The following TMEM233 variants were observed in gnomAD, a reference collection of about 807,000 sequenced individuals.
The protein encoded by TMEM233 is transmembrane protein 233.
In TMEM233, 6 loss-of-function variants were observed where a neutral mutation model predicts 11.2. The ratio of observed to expected loss-of-function variants is 0.54; its 90% CI spans 0.29 to 1.06. The LOEUF is 1.06. Among genes scored for constraint, TMEM233 ranks in the 50% least tolerant of loss-of-function variants. TMEM233 has a pLI of 0.08. For missense variants in TMEM233, 127 were observed against 144.7 expected (o/e 0.88, Z 0.63); for synonymous variants, 59 against 55.8 (o/e 1.06, Z -0.26).
chr12:119,645,320 CAAAA>C (rs3078450), downstream of TMEM233, among the ~76,000 whole-genome samples: 12 of 74,794 alleles, frequency 1.6e-4, 1 homozygote, highest in African/African-American at 4.5e-4. Flanking sequence ...CACCAATTAC[CAAAA>C]AAAAAAAAAA....
chr12:119,600,165 C>A, intron 1 of TMEM233, among the ~76,000 whole-genome samples: 1 of 141,810 alleles, frequency 7.1e-6, no homozygotes. Context: ...ATGAAAAACT[C>A]TTCTGAAATA....
chr12:119,622,079 T>C (rs145033717), intron 1 of TMEM233, among the ~76,000 whole-genome samples: 3 of 152,382 alleles, frequency 2.0e-5, no homozygotes, highest in Non-Finnish European at 4.4e-5. Context: ...TTTTAATATT[T>C]GAGGGATCAG....
chr12:119,652,274 T>C, the TMEM233 span, among the ~76,000 whole-genome samples: 2 of 152,200 alleles, frequency 1.3e-5, no homozygotes, highest in Non-Finnish European at 2.9e-5. Flanking sequence ...CAGTGTTATG[T>C]GTGAAAGTTT....
intron 1 of TMEM233, among the ~76,000 whole-genome samples, chr12:119,599,872 G>A (rs1467495956): frequency 6.6e-6 from 1 of 152,136 alleles, no homozygotes; most frequent in Non-Finnish European, 1.5e-5. Context: ...ACCAGGCACA[G>A]CTGAGAGAAG....
chr12:119,610,801 G>A (rs114522815), intron 1 of TMEM233, among the ~76,000 whole-genome samples: 2,050 of 152,128 alleles, frequency 0.013, 46 homozygotes, highest in African/African-American at 0.044. Context: ...TTATAGCAGC[G>A]TGAAAATGGA....
the TMEM233 span, among the ~76,000 whole-genome samples, chr12:119,650,280 A>T: frequency 6.6e-6 from 1 of 152,316 alleles, no homozygotes. Flanking sequence ...CTAGATATAA[A>T]TACCATTAAC....
In TMEM233 at chr12:119,595,236, C is replaced by A. The variant is rs1281195808; in HGVS notation, c.186+1202C>A. ...CGTACCGGCACTGTCCCGGGACAAC[C>A]CTTGCAGTTGCGCTCCCTCCCCCAC... On this transcript the variant is annotated intron_variant, in intron 1 of 2. Transcript: ENST00000426426. This position sits in a 1 kb window ranked among gnomAD's most constrained non-coding sequence, Gnocchi z 4.3. Among the ~76,000 whole-genome samples, 2 of 152,216 alleles carry A rather than the reference C, an allele frequency of 1.3e-5. No homozygotes were observed. Among genetic ancestry groups the A allele is most frequent in the African/African-American group, 4.8e-5 (2 of 41,446 alleles).
the TMEM233 span, among the ~76,000 whole-genome samples, chr12:119,652,323 T>C: frequency 1.3e-5 from 2 of 152,234 alleles, no homozygotes; most frequent in Admixed American, 1.3e-4. Flanking sequence ...AGAGACTAAT[T>C]AGATTTCTGG....
intron 1 of TMEM233, among the ~76,000 whole-genome samples, chr12:119,619,970 G>T (rs537435474): frequency 9.9e-4 from 150 of 152,256 alleles, no homozygotes; most frequent in Non-Finnish European, 1.6e-3. Context: ...AAGGGTATGG[G>T]TACAAAACTC....
chr12:119,602,163 C>T (rs1226677331), intron 1 of TMEM233, among the ~76,000 whole-genome samples: 2 of 152,128 alleles, frequency 1.3e-5, no homozygotes, highest in Non-Finnish European at 2.9e-5. Context: ...CCATCTGACC[C>T]GAGCTCCACC....
rs569582461 is a variant in TMEM233 at position 119,620,237 on chromosome 12, C to A, written c.187-9499C>A. Among the ~76,000 whole-genome samples the A allele has an allele frequency of 1.6e-3, 242 of 152,230 alleles. 2 individuals are homozygous for A. Among genetic ancestry groups the A allele is most frequent in the African/African-American group, 5.5e-3 (228 of 41,540 alleles). ...TATCTTGAGATTCTTCTTCACCCATCAGAATGGGGAAACAATAGATTGATA... is the reference window on the plus strand; with the variant it reads ...TATCTTGAGATTCTTCTTCACCCATAAGAATGGGGAAACAATAGATTGATA... On this transcript the variant is annotated intron_variant, in intron 1 of 2. Coordinates refer to ENST00000426426, the MANE Select transcript of TMEM233 (RefSeq NM_001136534.3).
rs1001167692 is a variant in TMEM233, at chr12:119,594,140, G to A, written c.186+106G>A. 6 of 1,173,540 alleles carry A rather than the reference G, an allele frequency of 5.1e-6. No homozygotes were observed. Among genetic ancestry groups the A allele is most frequent in the Admixed American group, 4.8e-5 (2 of 41,774 alleles). The allele number at this position is 1,173,540 out of a possible 1,614,324, so 72.7% of individuals were successfully genotyped here. A position where few individuals can be genotyped will look rare whatever the true frequency, so the allele number is the denominator to read the frequency against. On this transcript the variant is annotated intron_variant, in intron 1 of 2. Coordinates refer to ENST00000426426, the MANE Select transcript of TMEM233 (RefSeq NM_001136534.3). This position sits in a 1 kb window ranked among gnomAD's most constrained non-coding sequence, Gnocchi z 5.6. ...TCTGCGGCTCCCTTCCTCACGGCCC[G>A]GCCCGCGCTAGGTGTTCTTTGTCCT...
intron 1 of TMEM233, among the ~76,000 whole-genome samples, chr12:119,629,241 C>T (rs1954827310): frequency 6.6e-6 from 1 of 152,118 alleles, no homozygotes; most frequent in African/African-American, 2.4e-5. Flanking sequence ...AAAACCCTGT[C>T]TCTACTAAAA....
At chr12:119,653,108 A>T in the TMEM233 span, among the ~76,000 whole-genome samples, 1 of 152,220 alleles carries the variant, frequency 6.6e-6, no homozygotes, top group Admixed American at 6.5e-5. Flanking sequence ...TTTTAAAATC[A>T]CTGGGCCGGG....
At chr12:119,629,707 A>G (rs1954838353) in intron 1 of TMEM233, 29 bp from the exon 2 acceptor site, 1 of 1,540,290 alleles carries the variant, frequency 6.5e-7, no homozygotes, top group Admixed American at 2.0e-5. Flanking sequence ...GTTATCTGTC[A>G]TCACCAGCTC....
At chr12:119,601,892 G>T (rs1481785344) in intron 1 of TMEM233, among the ~76,000 whole-genome samples, 1 of 152,146 alleles carries the variant, frequency 6.6e-6, no homozygotes, top group African/African-American at 2.4e-5. Context: ...AAGGACACAG[G>T]ATCCGGAAAA....
the TMEM233 span, among the ~76,000 whole-genome samples, chr12:119,653,956 A>G: frequency 7.8e-6 from 1 of 128,976 alleles, no homozygotes; most frequent in South Asian, 2.5e-4. Context: ...ATATCAACCT[A>G]CATATCCAAG....
chr12:119,608,662 G>A (rs772814749), intron 1 of TMEM233, among the ~76,000 whole-genome samples: 36 of 152,222 alleles, frequency 2.4e-4, no homozygotes, highest in Admixed American at 6.5e-5. Flanking sequence ...GAATTCAGAT[G>A]AGGGGGAAGA....
At chr12:119,632,643 A>G (rs761783696) in intron 2 of TMEM233, among the ~76,000 whole-genome samples, 5 of 152,180 alleles carry the variant, frequency 3.3e-5, no homozygotes, top group African/African-American at 4.8e-5. Context: ...TCAAAAGCAC[A>G]GTTTAAAGGA....
Sources: allele counts gnomAD v4.1 joint callset (sites outside exome capture counted in the v4.1 genomes callset), GRCh38; gene constraint gnomAD v4.1.1; non-coding constraint Gnocchi (gnomAD v3.1); transcripts MANE v1.5; gene names NCBI Gene and HGNC (gene_info 2026-07-23, HGNC 2026-07-21).